Variants in ANKS1A observed in about 807,000 individuals in gnomAD.
ANKS1A encodes ankyrin repeat and SAM domain-containing protein 1A.
Under a neutral mutation model 120.3 loss-of-function variants are expected in ANKS1A, and 55 were observed. That is an observed-to-expected ratio of 0.46 (90% CI 0.37 to 0.57). The LOEUF (loss-of-function observed/expected upper bound fraction) is 0.57. ANKS1A is among the 20% of genes least tolerant of loss of function. The probability of loss-of-function intolerance (pLI) is 0.00; values close to 1 mark genes in which losing one functional copy is unlikely to be tolerated. For synonymous variants in ANKS1A, 590 were observed against 604.7 expected (o/e 0.98, Z 0.36); for missense variants, 1,123 against 1,480.3 (o/e 0.76, Z 3.96).
intron 3 of ANKS1A, among the ~76,000 whole-genome samples, chr6:34,970,852 A>T (rs996432192): frequency 6.7e-6 from 1 of 149,118 alleles, no homozygotes; most frequent in Non-Finnish European, 1.5e-5. Context: ...TAAAAAATTA[A>T]AAAAAAAAAG....
At chr6:35,062,474 G>A (rs1042173188) in intron 13 of ANKS1A, among the ~76,000 whole-genome samples, 6 of 152,216 alleles carry the variant, frequency 3.9e-5, no homozygotes, top group Admixed American at 1.3e-4. Context: ...GATCCCATGT[G>A]GTTAGGTTTC....
chr6:35,053,903 G>A (rs1013439763), intron 11 of ANKS1A, among the ~76,000 whole-genome samples, 196 bp from the exon 12 acceptor site: 3 of 152,162 alleles, frequency 2.0e-5, no homozygotes, highest in East Asian at 1.9e-4. Flanking sequence ...GCAGTACATC[G>A]GACCCTGTGG....
chr6:34,974,320 C>G (rs1209696208), intron 3 of ANKS1A, among the ~76,000 whole-genome samples: 2 of 42,198 alleles, frequency 4.7e-5, no homozygotes, highest in African/African-American at 1.1e-4. Flanking sequence ...CCTTCCCCTT[C>G]CCCTTTCTCT....
At chr6:34,933,401 G>A (rs1004433966) in intron 1 of ANKS1A, among the ~76,000 whole-genome samples, 2 of 152,096 alleles carry the variant, frequency 1.3e-5, no homozygotes, top group African/African-American at 2.4e-5. Context: ...ATGGAGTTTC[G>A]CTCTTGTTGC....
At chr6:35,045,006 A>G (rs1004007813) in intron 11 of ANKS1A, among the ~76,000 whole-genome samples, 2 of 152,202 alleles carry the variant, frequency 1.3e-5, no homozygotes, top group Non-Finnish European at 2.9e-5. Context: ...ATCTCCTGCT[A>G]TGGCCCTGGG....
chr6:35,062,270 G>A (rs773167398), intron 13 of ANKS1A, among the ~76,000 whole-genome samples: 2 of 152,192 alleles, frequency 1.3e-5, no homozygotes, highest in African/African-American at 2.4e-5. Flanking sequence ...CGGGTGAGCC[G>A]GGACCTCAGA....
At chr6:34,914,138 G>C (rs1768041795) in intron 1 of ANKS1A, among the ~76,000 whole-genome samples, 2 of 131,638 alleles carry the variant, frequency 1.5e-5, no homozygotes, top group Admixed American at 1.6e-4. Flanking sequence ...AGCCAGGATG[G>C]TCTCGATCTC....
Position 35,086,289 on chromosome 6 carries a change from G to A in ANKS1A, c.3303+353G>A, listed in dbSNP as rs546566520. On this transcript the variant is annotated intron_variant, in intron 22 of 23. Transcript: ENST00000360359. This position sits in a 1 kb window ranked among gnomAD's most constrained non-coding sequence, Gnocchi z 5.1. Reference sequence around the variant, plus strand: ...CCCCAGGTGCCGCTGCCCCCCGATAGTCGCTGTTGTTACTGTCACACCTGC... The same window carrying A: ...CCCCAGGTGCCGCTGCCCCCCGATAATCGCTGTTGTTACTGTCACACCTGC... 4.4e-5 allele frequency: 58 copies of A among 1,318,808 alleles called. No homozygotes were observed. The East Asian group carries it at 2.9e-3, about 66-fold the overall frequency. 81.7% of individuals were successfully genotyped at this position (1,318,808 alleles called of 1,614,324 possible).
chr6:35,022,262 G>T (rs1774382244), intron 11 of ANKS1A, among the ~76,000 whole-genome samples: 1 of 152,290 alleles, frequency 6.6e-6, no homozygotes, highest in African/African-American at 2.4e-5. Flanking sequence ...TCTACAATTT[G>T]TTTTTCAAAT....
rs190791775 is a variant in ANKS1A, at chr6:35,006,521, G to A, written c.1424-10952G>A. Reference sequence around the variant, plus strand: ...TGTAATCCCAGCACTTTGGGAGGCCGAGGCGGGTGGATCAGGAGATCAGGA... The same window carrying A: ...TGTAATCCCAGCACTTTGGGAGGCCAAGGCGGGTGGATCAGGAGATCAGGA... On this transcript the variant is annotated intron_variant, in intron 10 of 23. Transcript: ENST00000360359. Among the ~76,000 whole-genome samples the A allele has an allele frequency of 1.0e-3, 155 of 152,172 alleles. 2 individuals carry two copies. Among genetic ancestry groups the A allele is most frequent in the Middle Eastern group, 3.4e-3 (1 of 292 alleles).
chr6:34,989,695 C>T (rs1772409242), intron 9 of ANKS1A, among the ~76,000 whole-genome samples: 1 of 152,160 alleles, frequency 6.6e-6, no homozygotes, highest in African/African-American at 2.4e-5. Flanking sequence ...TGCTTCTGCC[C>T]CAAACATCTT....
At position 35,083,442 on chromosome 6, in the gene ANKS1A, T is replaced by G; in HGVS notation, c.2933T>G (p.Ile978Ser). Residue 978 changes from isoleucine (I) to serine (S), a missense_variant, in exon 20 of 24, where the codon ATC becomes AGC. Around this residue, in one of 3 missense-constraint regions of ANKS1A, gnomAD observed 904 missense variants for 1,130.4 expected, o/e 0.80. Transcript: ENST00000360359. ...AAATCTACGGAGCACATGAAGAAGATCCCCACCATCATCCTGTCCATCACA... is the reference window on the plus strand; with the variant it reads ...AAATCTACGGAGCACATGAAGAAGAGCCCCACCATCATCCTGTCCATCACA... ...MRKSTEHMKKIPTIILSITYK... is the reference protein window; with the variant it reads ...MRKSTEHMKKSPTIILSITYK... 1 of 1,613,874 alleles carries G rather than the reference T, an allele frequency of 6.2e-7. No individual in the cohort carries two copies. Among genetic ancestry groups the G allele is most frequent in the East Asian group, 2.2e-5 (1 of 44,854 alleles).
chr6:34,968,303 G>A (rs1770997072), intron 2 of ANKS1A, among the ~76,000 whole-genome samples: 1 of 152,194 alleles, frequency 6.6e-6, no homozygotes, highest in Admixed American at 6.5e-5. Flanking sequence ...CAGCAAAGGG[G>A]CAGGCATTGT....
In ANKS1A at chr6:35,069,831, A is replaced by G. The variant is rs192623997; in HGVS notation, c.2185-8727A>G. Among the ~76,000 whole-genome samples the G allele has an allele frequency of 1.2e-3, 188 of 152,150 alleles. 1 individual carries two copies. The highest frequency in any genetic ancestry group is 6.8e-3 in the Middle Eastern group (2 of 294). ...CACCTGAGGTCAGGAGTTCAAGACC[A>G]GCCTGACCAACAATGGCGAAACCCA... is the stretch of plus-strand genomic sequence containing the variant. On this transcript the variant is annotated intron_variant, in intron 13 of 23. Transcript: ENST00000360359.
At chr6:34,936,061 CAAAAAAAAAAA>C (rs34851777) in intron 1 of ANKS1A, among the ~76,000 whole-genome samples, 1 of 36,314 alleles carries the variant, frequency 2.8e-5, no homozygotes, top group South Asian at 8.7e-4. Context: ...GACTCCGTCT[CAAAAAAAAAAA>C]AAAAAAAAAA....
intron 3 of ANKS1A, 94 bp from the exon 4 acceptor site, chr6:34,981,596 C>T: frequency 2.2e-6 from 3 of 1,360,968 alleles, no homozygotes; most frequent in Admixed American, 2.2e-5. Context: ...CTATTTTTCT[C>T]ATTTAAACTT....
rs1158578912 is a variant in ANKS1A at position 35,091,360 on chromosome 6, C to T, written c.*2751C>T. The T allele has an allele frequency of 8.1e-6, 8 of 985,546 alleles. No individual in the cohort carries two copies. Among genetic ancestry groups the T allele is most frequent in the Non-Finnish European group, 9.6e-6 (8 of 829,932 alleles). 61.1% of individuals were successfully genotyped at this position (985,546 alleles called of 1,614,324 possible). A position where few individuals can be genotyped will look rare whatever the true frequency, so the allele number is the denominator to read the frequency against. ...GTTTTGTTATTTTCATAACTGTACA[C>T]AACTTAGAACAGACTGAATTAATAA... On this transcript the variant is annotated 3_prime_UTR_variant, in exon 24 of 24. Transcript: ENST00000360359.
At chr6:34,950,801 G>C (rs1770057764) in intron 1 of ANKS1A, among the ~76,000 whole-genome samples, 1 of 152,112 alleles carries the variant, frequency 6.6e-6, no homozygotes, top group African/African-American at 2.4e-5. Context: ...TGGTGGGTGA[G>C]GCTGGTTGTG....
chr6:35,017,847 C>G lies in ANKS1A; in HGVS notation c.1798C>G (p.Arg600Gly), dbSNP rs188252688. ...PHPGGAEEGD[R>G]SGARSRAPPT... ...CCCTGGTGGTGCTGAGGAAGGAGAC[C>G]GGAGTGGGGCCAGGAGCCGAGCGCC... Residue 600 changes from arginine (R) to glycine (G), a missense_variant, in exon 11 of 24, where the codon CGG (arginine) becomes GGG (glycine). Physicochemically the swap from Arg to Gly is moderately radical, Grantham distance 125. Around this residue, in one of 3 missense-constraint regions of ANKS1A, gnomAD observed 904 missense variants for 1,130.4 expected, o/e 0.80. Transcript: ENST00000360359. The G allele has an allele frequency of 6.2e-7, 1 of 1,614,040 alleles. No homozygotes were observed. The highest frequency in any genetic ancestry group is 2.2e-5 in the East Asian group (1 of 44,892).
Sources: gnomAD v4.1 joint callset for allele counts (sites outside exome capture counted in the v4.1 genomes callset) on GRCh38, gnomAD v4.1.1 for gene constraint, gnomAD v4.1.1 regional missense constraint, Gnocchi (gnomAD v3.1) non-coding constraint, MANE v1.5 for transcripts, NCBI Gene and HGNC (gene_info 2026-07-23, HGNC 2026-07-21) for gene names.